The following GRIN2A variants were observed in gnomAD, a reference collection of about 807,000 sequenced individuals.
GRIN2A encodes glutamate ionotropic receptor NMDA type subunit 2A.
A neutral mutation model predicts 113.4 loss-of-function variants in GRIN2A; 22 were observed. The observed-to-expected ratio is 0.19, with a 90% CI of 0.14 to 0.28. The LOEUF (loss-of-function observed/expected upper bound fraction) is 0.28. Among genes scored for constraint, GRIN2A ranks in the 10% least tolerant of loss-of-function variants. The probability of loss-of-function intolerance (pLI) is 1.00; values close to 1 mark genes in which losing one functional copy is unlikely to be tolerated. For missense variants in GRIN2A, 1,502 were observed against 1,887.0 expected, an observed-to-expected ratio of 0.80 and a Z score of 3.78; for synonymous variants, 827 against 738.4, an observed-to-expected ratio of 1.12 and a Z score of -1.94.
chr16:10,131,200 T>C (rs376221948), intron 2 of GRIN2A, among the ~76,000 whole-genome samples: 2 of 152,148 alleles, frequency 1.3e-5, no homozygotes, highest in South Asian at 2.1e-4. Flanking sequence ...GATCGATAAA[T>C]ATTAAACACC....
intron 2 of GRIN2A, among the ~76,000 whole-genome samples, chr16:10,072,946 C>CCCCTTT (rs565877354): frequency 2.2e-4 from 23 of 104,232 alleles, no homozygotes; most frequent in Non-Finnish European, 2.6e-4. Flanking sequence ...ACAAGACCCC[C>CCCCTTT]TTTTTTTTTT....
chr16:9,958,609 T>C (rs560490060), intron 2 of GRIN2A, among the ~76,000 whole-genome samples: 1 of 152,246 alleles, frequency 6.6e-6, no homozygotes, highest in Admixed American at 6.5e-5. Context: ...CCCCATGGGA[T>C]GGAAGCACTT....
At chr16:10,126,066 T>C (rs1364485610) in intron 2 of GRIN2A, among the ~76,000 whole-genome samples, 1 of 152,160 alleles carries the variant, frequency 6.6e-6, no homozygotes, top group East Asian at 1.9e-4. Context: ...CTGCACTGTT[T>C]TGCTTACTGA....
intron 2 of GRIN2A, among the ~76,000 whole-genome samples, chr16:9,995,778 A>G (rs1327950489): frequency 2.0e-5 from 3 of 152,206 alleles, no homozygotes; most frequent in South Asian, 2.1e-4. Context: ...TGCTTTTTCA[A>G]TGCAAGGGAT....
intron 2 of GRIN2A, among the ~76,000 whole-genome samples, chr16:10,140,593 C>T (rs1431606698): frequency 6.6e-6 from 1 of 152,104 alleles, no homozygotes; most frequent in Non-Finnish European, 1.5e-5. Flanking sequence ...ACCAACTGTC[C>T]CCACTTTTCA....
intron 2 of GRIN2A, among the ~76,000 whole-genome samples, chr16:10,158,290 C>T (rs1368575724): frequency 6.6e-6 from 1 of 152,190 alleles, no homozygotes; most frequent in Non-Finnish European, 1.5e-5. Flanking sequence ...CAGGCGTGAG[C>T]CACTGTATCT....
intron 5 of GRIN2A, among the ~76,000 whole-genome samples, chr16:9,843,497 G>T (rs1195579976): frequency 6.6e-6 from 1 of 152,110 alleles, no homozygotes; most frequent in Non-Finnish European, 1.5e-5. Flanking sequence ...ACTCAAGCTG[G>T]AAAACATAAT....
At chr16:10,175,761 T>G (rs2050130116) in intron 2 of GRIN2A, among the ~76,000 whole-genome samples, 1 of 152,108 alleles carries the variant, frequency 6.6e-6, no homozygotes, top group East Asian at 1.9e-4. Flanking sequence ...AATCTGAGCC[T>G]CGTCTTTTCC....
intron 4 of GRIN2A, among the ~76,000 whole-genome samples, chr16:9,889,841 A>T (rs1031825593): frequency 6.6e-6 from 1 of 152,140 alleles, no homozygotes; most frequent in Non-Finnish European, 1.5e-5. Context: ...ATTCTTCTAA[A>T]CACATTGAGA....
At chr16:10,068,688 C>T (rs554942594) in intron 2 of GRIN2A, among the ~76,000 whole-genome samples, 1 of 152,298 alleles carries the variant, frequency 6.6e-6, no homozygotes, top group South Asian at 2.1e-4. Context: ...CATGGATCAT[C>T]TAATGTATTG....
At chr16:9,973,742 C>G (rs1212393072) in intron 2 of GRIN2A, among the ~76,000 whole-genome samples, 1 of 152,030 alleles carries the variant, frequency 6.6e-6, no homozygotes, top group Non-Finnish European at 1.5e-5. Context: ...TTAGAAACTA[C>G]AGAGTCCAGA....
chr16:9,868,278 A>T (rs1460053197), intron 4 of GRIN2A, among the ~76,000 whole-genome samples: 4 of 151,540 alleles, frequency 2.6e-5, no homozygotes, highest in African/African-American at 9.7e-5. Context: ...TTTATTTTTT[A>T]TTTTTTTGAG....
rs1347076754 is a variant in GRIN2A, at chr16:9,756,565, C to G, written c.*6584G>C. 1 of 204,650 alleles carries G rather than the reference C, an allele frequency of 4.9e-6. No homozygotes were observed. The highest frequency in any genetic ancestry group is 2.3e-5 in the African/African-American group (1 of 43,768). The allele number at this position is 204,650 out of a possible 1,614,324, so 12.7% of individuals were successfully genotyped here. A position where few individuals can be genotyped will look rare whatever the true frequency, so the allele number is the denominator to read the frequency against. ...AAATATGTCTAACGTTAGGGATTTACTAGCTAATTCTAGTTGCTGACGAGG... is the reference window on the plus strand; with the variant it reads ...AAATATGTCTAACGTTAGGGATTTAGTAGCTAATTCTAGTTGCTGACGAGG... On this transcript the variant is annotated 3_prime_UTR_variant, in exon 13 of 13. Coordinates refer to ENST00000330684, the MANE Select transcript of GRIN2A (RefSeq NM_001134407.3).
chr16:10,137,941 A>G (rs2142242754), intron 2 of GRIN2A, among the ~76,000 whole-genome samples: 1 of 152,278 alleles, frequency 6.6e-6, no homozygotes, highest in East Asian at 1.9e-4. Flanking sequence ...GCTCCTTGAG[A>G]TAATGGGCTG....
At chr16:9,919,250 T>C (rs113989994) in intron 3 of GRIN2A, among the ~76,000 whole-genome samples, 105 of 152,312 alleles carry the variant, frequency 6.9e-4, no homozygotes, top group African/African-American at 2.2e-3. Flanking sequence ...TGGCTCTGAC[T>C]CATTCTTCAT....
At chr16:9,972,739 T>C (rs1338078607) in intron 2 of GRIN2A, among the ~76,000 whole-genome samples, 2 of 152,144 alleles carry the variant, frequency 1.3e-5, no homozygotes, top group African/African-American at 4.8e-5. Context: ...CAGAGTGAGA[T>C]CTAACATACA....
At position 10,118,468 on chromosome 16, in the gene GRIN2A, A is replaced by G. The variant is rs569350229; in HGVS notation, c.414+61530T>C. Among the ~76,000 whole-genome samples, 11 of 152,242 alleles carry G rather than the reference A, an allele frequency of 7.2e-5. No individual in the cohort carries two copies. The East Asian group carries it at 1.9e-3, about 27-fold the overall frequency. ...TTGCAATTTTCAGGTTAACAAGTAA[A>G]ATCTTCCTTGAGTGTATACCTCTAA... On this transcript the variant is annotated intron_variant, in intron 2 of 12. Coordinates refer to ENST00000330684, the MANE Select transcript of GRIN2A (RefSeq NM_001134407.3).
intron 10 of GRIN2A, among the ~76,000 whole-genome samples, chr16:9,820,211 T>C (rs908073470): frequency 9.9e-5 from 15 of 152,168 alleles, no homozygotes; most frequent in Non-Finnish European, 1.9e-4. Flanking sequence ...GGTTAATAAA[T>C]GGAGGGAGAG....
At chr16:10,122,172 G>C (rs1415452162) in intron 2 of GRIN2A, among the ~76,000 whole-genome samples, 6 of 152,110 alleles carry the variant, frequency 3.9e-5, no homozygotes, top group Non-Finnish European at 8.8e-5. Context: ...GACCAGCAAA[G>C]TCCCCTGATA....
Sources: gnomAD v4.1 joint callset for allele counts (sites outside exome capture counted in the v4.1 genomes callset) on GRCh38, gnomAD v4.1.1 for gene constraint, MANE v1.5 for transcripts, NCBI Gene and HGNC (gene_info 2026-07-23, HGNC 2026-07-21) for gene names.